The following ELK3 variants were observed in gnomAD, a reference collection of about 807,000 sequenced individuals.
ELK3 encodes ETS domain-containing protein Elk-3.
In ELK3, 10 loss-of-function variants were observed where a neutral mutation model predicts 28.9. That is an observed-to-expected ratio of 0.35 (90% CI 0.21 to 0.59). The LOEUF (loss-of-function observed/expected upper bound fraction) is 0.59, where lower values mean the gene tolerates loss of function less well. ELK3 is among the 20% of genes least tolerant of loss of function. The pLI is 0.82. For synonymous variants in ELK3, 272 were observed against 243.5 expected, an observed-to-expected ratio of 1.12 and a Z score of -1.09; for missense variants, 463 against 517.3, an observed-to-expected ratio of 0.90 and a Z score of 1.02.
rs11298632 is a variant in ELK3 at position 96,201,580 on chromosome 12, C to CA, written c.-3+6897dup. 1.8e-3 allele frequency among the ~76,000 whole-genome samples: 146 copies of CA among 82,812 alleles called. 1 individual carries two copies. Among genetic ancestry groups the CA allele is most frequent in the Non-Finnish European group, 2.1e-3 (89 of 42,208 alleles). 54.3% of individuals were successfully genotyped at this position (82,812 alleles called of 152,430 possible). A position where few individuals can be genotyped will look rare whatever the true frequency, so the allele number is the denominator to read the frequency against. On this transcript the variant is annotated intron_variant, in intron 1 of 4. Transcript: ENST00000228741. Reference sequence around the variant, plus strand: ...TGGGTAACAGAGTGAAACCCTGTCTCAAAAAAAAAAAAAAAAAAAAAAGGG... The same window carrying CA: ...TGGGTAACAGAGTGAAACCCTGTCTCAAAAAAAAAAAAAAAAAAAAAAAGGG...
intron 2 of ELK3, among the ~76,000 whole-genome samples, chr12:96,234,525 T>A (rs1162126980): frequency 6.6e-6 from 1 of 152,198 alleles, no homozygotes; most frequent in Non-Finnish European, 1.5e-5. Context: ...GCTGCTCCTC[T>A]GCACGGCCTC....
intron 1 of ELK3, among the ~76,000 whole-genome samples, chr12:96,211,295 A>G (rs548518722): frequency 6.6e-6 from 1 of 152,344 alleles, no homozygotes; most frequent in East Asian, 1.9e-4. Context: ...GGATATATTA[A>G]TAGCTAACGT....
chr12:96,207,794 A>G lies in ELK3; in HGVS notation c.-3+13089A>G, dbSNP rs146788052. ...ACTAAACCTTGACATGTTTTGGCAA[A>G]TGTTAAACTTCAGAAAAAGAAAGAA... On this transcript the variant is annotated intron_variant, in intron 1 of 4. Transcript: ENST00000228741. Among the ~76,000 whole-genome samples, 440 of 152,344 alleles carry G rather than the reference A, an allele frequency of 2.9e-3. 4 individuals are homozygous for G. Among genetic ancestry groups the G allele is most frequent in the Middle Eastern group, 0.017 (5 of 294 alleles).
chr12:96,213,012 A>G (rs567711321), intron 1 of ELK3, among the ~76,000 whole-genome samples: 1 of 152,292 alleles, frequency 6.6e-6, no homozygotes, highest in East Asian at 1.9e-4. Flanking sequence ...TTGAGTACCT[A>G]TTGTTTGTCA....
chr12:96,267,351 ATATATTCAAG>A lies in ELK3; in HGVS notation c.*177_*186del. ...GTTAGCATTTTAAAAACTGTTTTTG[ATATATTCAAG>A]TATATATGAAAATCTGTTTGGCATT... On this transcript the variant is annotated 3_prime_UTR_variant, in exon 5 of 5. Transcript: ENST00000228741. 1 of 552,960 alleles carries A rather than the reference ATATATTCAAG, an allele frequency of 1.8e-6. No homozygotes were observed. Among genetic ancestry groups the A allele is most frequent in the South Asian group, 2.5e-5 (1 of 40,358 alleles). The allele number at this position is 552,960 out of a possible 1,614,324, so 34.3% of individuals were successfully genotyped here.
intron 1 of ELK3, among the ~76,000 whole-genome samples, chr12:96,196,893 G>A (rs1040420526): frequency 3.3e-5 from 5 of 151,888 alleles, no homozygotes; most frequent in African/African-American, 4.8e-5. Context: ...GTTCTTTTAC[G>A]GTGGCAAAGT....
chr12:96,219,842 T>C lies in ELK3; in HGVS notation c.-2-3723T>C, dbSNP rs372402878. ...TGCGATTTCCACCGGGAAGGCTACATGACTGCCCAGTCATCGAAACTGGTG... is the reference window on the plus strand; with the variant it reads ...TGCGATTTCCACCGGGAAGGCTACACGACTGCCCAGTCATCGAAACTGGTG... On this transcript the variant is annotated intron_variant, in intron 1 of 4. Transcript: ENST00000228741. Among the ~76,000 whole-genome samples the C allele has an allele frequency of 2.2e-4, 34 of 152,248 alleles. No individual in the cohort carries two copies. The East Asian group carries it at 4.4e-3, about 20-fold the overall frequency.
chr12:96,239,540 G>C (rs980538874), intron 2 of ELK3, among the ~76,000 whole-genome samples: 2 of 152,212 alleles, frequency 1.3e-5, no homozygotes, highest in East Asian at 1.9e-4. Context: ...TGTGTGCTCA[G>C]CATGCAGCTG....
chr12:96,264,052 C>G (rs1952012371), intron 4 of ELK3, among the ~76,000 whole-genome samples: 1 of 152,208 alleles, frequency 6.6e-6, no homozygotes, highest in Admixed American at 6.5e-5. Context: ...TCTCGGCTCA[C>G]TGCAACCTCT....
chr12:96,264,674 A>C (rs901423306), intron 4 of ELK3, among the ~76,000 whole-genome samples: 10 of 152,168 alleles, frequency 6.6e-5, no homozygotes, highest in Admixed American at 6.6e-5. Flanking sequence ...GGTCCCAACT[A>C]CTAGGGAGGC....
intron 1 of ELK3, among the ~76,000 whole-genome samples, chr12:96,215,891 C>T (rs1240196175): frequency 6.6e-6 from 1 of 152,164 alleles, no homozygotes; most frequent in African/African-American, 2.4e-5. Context: ...ACCTCGGCCT[C>T]CCAAAGTGCC....
intron 1 of ELK3, among the ~76,000 whole-genome samples, chr12:96,214,983 C>T (rs1034344889): frequency 3.3e-5 from 5 of 152,084 alleles, no homozygotes; most frequent in African/African-American, 1.2e-4. Flanking sequence ...GTGTTCAAAT[C>T]CATCTTCATT....
chr12:96,221,674 A>C (rs1376905165), intron 1 of ELK3, among the ~76,000 whole-genome samples: 1 of 152,194 alleles, frequency 6.6e-6, no homozygotes, highest in Non-Finnish European at 1.5e-5. Context: ...TCATAGGAGG[A>C]GTTGGGACTC....
chr12:96,210,938 G>A (rs1951574037), intron 1 of ELK3, among the ~76,000 whole-genome samples: 1 of 152,206 alleles, frequency 6.6e-6, no homozygotes, highest in Admixed American at 6.5e-5. Context: ...GTGTGCATAT[G>A]AGAAAAGAAG....
chr12:96,251,612 T>G lies in ELK3; in HGVS notation c.1002+3878T>G, dbSNP rs575686354. Reference sequence around the variant, plus strand: ...GAAGGAAATGAAAGTGCTACGTCAGTGAAAACATGAATGATAAGAAAGTGG... The same window carrying G: ...GAAGGAAATGAAAGTGCTACGTCAGGGAAAACATGAATGATAAGAAAGTGG... On this transcript the variant is annotated intron_variant, in intron 3 of 4. Transcript: ENST00000228741. Among the ~76,000 whole-genome samples, 20 of 152,120 alleles carry G rather than the reference T, an allele frequency of 1.3e-4. No homozygotes were observed. The South Asian group carries it at 3.9e-3, about 30-fold the overall frequency.
At chr12:96,240,321 T>G (rs1245947997) in intron 2 of ELK3, among the ~76,000 whole-genome samples, 3 of 152,224 alleles carry the variant, frequency 2.0e-5, no homozygotes, top group African/African-American at 7.2e-5. Flanking sequence ...TGTTTTGTTC[T>G]GTTTTTGCTT....
intron 2 of ELK3, among the ~76,000 whole-genome samples, chr12:96,240,392 T>C (rs1366430700): frequency 6.6e-6 from 1 of 152,228 alleles, no homozygotes; most frequent in Non-Finnish European, 1.5e-5. Flanking sequence ...GGGCTTGTCA[T>C]GCGTGGATGC....
At chr12:96,230,985 G>A (rs1316118193) in intron 2 of ELK3, among the ~76,000 whole-genome samples, 1 of 152,194 alleles carries the variant, frequency 6.6e-6, no homozygotes, top group Non-Finnish European at 1.5e-5. Context: ...CCCGGGTATG[G>A]ATGAAAGGCC....
intron 1 of ELK3, among the ~76,000 whole-genome samples, chr12:96,206,734 C>T (rs1951540608): frequency 6.6e-6 from 1 of 152,118 alleles, no homozygotes; most frequent in Non-Finnish European, 1.5e-5. Flanking sequence ...AAGGGACTGC[C>T]CAAGCCAGTG....
Sources: allele counts gnomAD v4.1 joint callset (sites outside exome capture counted in the v4.1 genomes callset), GRCh38; gene constraint gnomAD v4.1.1; transcripts MANE v1.5; gene names NCBI Gene and HGNC (gene_info 2026-07-23, HGNC 2026-07-21).